The following NCOR2 variants were observed in gnomAD, a reference collection of about 807,000 sequenced individuals.
NCOR2 encodes nuclear receptor corepressor 2.
A neutral mutation model predicts 262.9 loss-of-function variants in NCOR2; 81 were observed. That is an observed-to-expected ratio of 0.31 (90% CI 0.26 to 0.37). The LOEUF is 0.37. NCOR2 is among the 10% of genes least tolerant of loss of function. NCOR2 has a pLI of 1.00. For missense variants in NCOR2, 3,385 were observed against 3,621.4 expected, an observed-to-expected ratio of 0.93 and a Z score of 1.68; for synonymous variants, 1,659 against 1,559.3, an observed-to-expected ratio of 1.06 and a Z score of -1.51.
chr12:124,358,185 A>G (rs1463832338), intron 22 of NCOR2, among the ~76,000 whole-genome samples: 32 of 117,226 alleles, frequency 2.7e-4, no homozygotes, highest in African/African-American at 9.8e-4. Context: ...GAAGGAGATA[A>G]CCTGTGATGT....
chr12:124,501,993 C>T (rs1032525), intron 1 of NCOR2, among the ~76,000 whole-genome samples: 4 of 152,104 alleles, frequency 2.6e-5, no homozygotes, highest in African/African-American at 9.7e-5. Context: ...GCCAGCTCCA[C>T]GGGTCGAGCT....
chr12:124,478,220 G>T (rs896987823), intron 3 of NCOR2, among the ~76,000 whole-genome samples: 2 of 152,262 alleles, frequency 1.3e-5, no homozygotes, highest in South Asian at 4.1e-4. Flanking sequence ...AAAGGGACAG[G>T]GTCCTGAGGA....
intron 2 of NCOR2, among the ~76,000 whole-genome samples, chr12:124,484,042 C>A (rs542727042): frequency 2.0e-5 from 3 of 152,070 alleles, no homozygotes; most frequent in African/African-American, 7.2e-5. Flanking sequence ...AGAGTGACTG[C>A]CCCTCCCTTG....
rs1161160646 is a variant in NCOR2 at position 124,389,574 on chromosome 12, A to G, written c.1877-3687T>C. The stretch of plus-strand genomic sequence containing the variant: ...ATCATCCCCCGCCGCCCGTCCCCCC[A>G]CCCTCCGTGTCAGTTCCACCTGAGC... On this transcript the variant is annotated intron_variant, in intron 16 of 46. Transcript: ENST00000405201. The surrounding 1 kb of genome is among the most constrained non-coding windows in gnomAD (Gnocchi z 4.4). Among the ~76,000 whole-genome samples the G allele has an allele frequency of 3.2e-5, 4 of 123,892 alleles. No individual in the cohort carries two copies. Among genetic ancestry groups the G allele is most frequent in the African/African-American group, 1.2e-4 (4 of 33,028 alleles). The allele number at this position is 123,892 out of a possible 152,430, so 81.3% of individuals were successfully genotyped here. A position where few individuals can be genotyped will look rare whatever the true frequency, so the allele number is the denominator to read the frequency against.
At chr12:124,369,043 T>C (rs977017831) in intron 20 of NCOR2, among the ~76,000 whole-genome samples, 1 of 152,244 alleles carries the variant, frequency 6.6e-6, no homozygotes. Context: ...GGAGGGCAGC[T>C]AATCTCTGAG....
At chr12:124,350,376 T>C (rs1244059) in intron 28 of NCOR2, among the ~76,000 whole-genome samples, 145,896 of 152,290 alleles carry the variant, frequency 0.96, 70,049 homozygotes, top group Non-Finnish European at 1. Flanking sequence ...GAGTTTGTTT[T>C]CTAAACTGTA....
At chr12:124,353,522 G>C (rs937978253) in intron 27 of NCOR2, among the ~76,000 whole-genome samples, 1 of 152,238 alleles carries the variant, frequency 6.6e-6, no homozygotes, top group Non-Finnish European at 1.5e-5. Flanking sequence ...ACGTGTGCAA[G>C]TGTGTGGACC....
At chr12:124,475,912 A>G (rs940291680) in intron 3 of NCOR2, among the ~76,000 whole-genome samples, 3 of 152,172 alleles carry the variant, frequency 2.0e-5, no homozygotes, top group Non-Finnish European at 2.9e-5. Context: ...ACATCCGTTC[A>G]CCCCACAGAA....
Position 124,483,289 on chromosome 12 carries a change from A to C in NCOR2, c.411+307T>G. On this transcript the variant is annotated intron_variant, in intron 3 of 46. Coordinates refer to ENST00000405201, the Ensembl canonical transcript of NCOR2. The surrounding 1 kb of genome is among the most constrained non-coding windows in gnomAD (Gnocchi z 6.3). ...ACGGCACCCCAGGCCCTCCCATCCCAGCTCTCCCCTCCCTCACGCCAGCTA... is the reference window on the plus strand; with the variant it reads ...ACGGCACCCCAGGCCCTCCCATCCCCGCTCTCCCCTCCCTCACGCCAGCTA... Among the ~76,000 whole-genome samples the C allele has an allele frequency of 6.7e-6, 1 of 149,420 alleles. No homozygotes were observed. The highest frequency in any genetic ancestry group is 2.5e-5 in the African/African-American group (1 of 40,392).
chr12:124,345,531 C>T (rs1356694307), intron 31 of NCOR2, among the ~76,000 whole-genome samples: 6 of 152,142 alleles, frequency 3.9e-5, no homozygotes, highest in African/African-American at 7.2e-5. Flanking sequence ...CAGCAGGCTT[C>T]GGAGACACTT....
At chr12:124,468,798 T>C (rs1477875814) in intron 4 of NCOR2, among the ~76,000 whole-genome samples, 1 of 26,122 alleles carries the variant, frequency 3.8e-5, no homozygotes. Flanking sequence ...ACCCTCATCA[T>C]CCTCATCCTC....
chr12:124,543,804 C>T (rs955040276), intron 1 of NCOR2, among the ~76,000 whole-genome samples: 17 of 152,222 alleles, frequency 1.1e-4, no homozygotes, highest in African/African-American at 3.4e-4. Flanking sequence ...GGAGGCCCCA[C>T]GCGGCAGCAC....
At chr12:124,519,089 T>TACACACACACACATACACACAC in intron 1 of NCOR2, among the ~76,000 whole-genome samples, 1 of 97,268 alleles carries the variant, frequency 1.0e-5, no homozygotes, top group Non-Finnish European at 2.2e-5. Flanking sequence ...GGCCAAATAA[T>TACACACACACACATACACACAC]ACACACACAC....
intron 7 of NCOR2, among the ~76,000 whole-genome samples, chr12:124,449,245 T>C (rs892992459): frequency 6.6e-6 from 1 of 152,144 alleles, no homozygotes; most frequent in Non-Finnish European, 1.5e-5. Context: ...TCTTCCCTCC[T>C]AGCACCGGTC....
intron 19 of NCOR2, among the ~76,000 whole-genome samples, chr12:124,373,063 G>A (rs1221245263): frequency 2.0e-5 from 3 of 152,226 alleles, no homozygotes; most frequent in Admixed American, 6.5e-5. Flanking sequence ...TCTGCAGAAC[G>A]GGAGAACAAT....
chr12:124,421,506 C>A (rs1406888616), intron 12 of NCOR2, among the ~76,000 whole-genome samples: 1 of 152,176 alleles, frequency 6.6e-6, no homozygotes, highest in Non-Finnish European at 1.5e-5. Flanking sequence ...AGAGATTTTT[C>A]CCCACTCTGC....
chr12:124,402,512 G>GGCTGCTGCTGCTGCT lies in NCOR2; in HGVS notation c.1517_1531dup (p.Gln506_Gln510dup), dbSNP rs35831183. 1.0e-3 allele frequency: 1,507 copies of GGCTGCTGCTGCTGCT among 1,459,436 alleles called. 1 individual carries two copies. The highest frequency in any genetic ancestry group is 3.6e-3 in the Middle Eastern group (19 of 5,344). 90.4% of individuals were successfully genotyped at this position (1,459,436 alleles called of 1,614,324 possible). A position where few individuals can be genotyped will look rare whatever the true frequency, so the allele number is the denominator to read the frequency against. On this transcript the variant is annotated inframe_insertion, in exon 14 of 47. Coordinates refer to ENST00000405201, the Ensembl canonical transcript of NCOR2. ...CTCCTCCTGGCTGCTGCGGGGCATGGGCTGCTGCTGCTGCTGCTGCTGCTG... is the reference window on the plus strand; with the variant it reads ...CTCCTCCTGGCTGCTGCGGGGCATGGGCTGCTGCTGCTGCTGCTGCTGCTGCTGCTGCTGCTGCTG...
At chr12:124,438,071 T>TGA in intron 7 of NCOR2, 75 bp from the exon 10 acceptor site, 1 of 1,439,574 alleles carries the variant, frequency 6.9e-7, no homozygotes, top group East Asian at 2.5e-5. Context: ...TCCTGTTTGC[T>TGA]GAGAGTGAGC....
intron 40 of NCOR2, 154 bp downstream of exon 42, chr12:124,334,980 AC>A: frequency 8.7e-7 from 1 of 1,143,530 alleles, no homozygotes; most frequent in Non-Finnish European, 1.3e-6. Flanking sequence ...TTGGGATCTC[AC>A]CCTCACCCAC....
Sources: gnomAD v4.1 joint callset for allele counts (sites outside exome capture counted in the v4.1 genomes callset) on GRCh38, gnomAD v4.1.1 for gene constraint, Gnocchi (gnomAD v3.1) non-coding constraint, MANE v1.5 for transcripts, NCBI Gene and HGNC (gene_info 2026-07-23, HGNC 2026-07-21) for gene names.